The following NRG3 variants were observed in gnomAD, a reference collection of about 807,000 sequenced individuals.
NRG3 encodes pro-neuregulin-3, membrane-bound isoform.
A neutral mutation model predicts 66.9 loss-of-function variants in NRG3; 31 were observed. That is an observed-to-expected ratio of 0.46 (90% CI 0.35 to 0.63). NRG3 has a LOEUF of 0.63. Ranked by LOEUF, NRG3 falls within the 20% of genes least tolerant of loss-of-function variation. The probability of loss-of-function intolerance (pLI) is 0.00; values close to 1 mark genes in which losing one functional copy is unlikely to be tolerated. For synonymous variants in NRG3, 393 were observed against 359.4 expected (o/e 1.09, Z -1.06); for missense variants, 910 against 878.9 (o/e 1.04, Z -0.45).
At chr10:82,218,322 A>C (rs904047598) in intron 1 of NRG3, among the ~76,000 whole-genome samples, 2 of 152,192 alleles carry the variant, frequency 1.3e-5, no homozygotes, top group African/African-American at 4.8e-5. Context: ...GCTGCATTAA[A>C]ATTCACCGCA....
chr10:82,746,831 C>T (rs574960220), intron 3 of NRG3, among the ~76,000 whole-genome samples: 5 of 152,264 alleles, frequency 3.3e-5, no homozygotes, highest in African/African-American at 1.2e-4. Flanking sequence ...GTAATCTCAG[C>T]ACTTTGGGAA....
At chr10:82,650,830 A>G (rs2133887421) in intron 2 of NRG3, among the ~76,000 whole-genome samples, 1 of 152,306 alleles carries the variant, frequency 6.6e-6, no homozygotes, top group South Asian at 2.1e-4. Flanking sequence ...GCTTTTATAA[A>G]AGAAGCAGAT....
chr10:82,084,117 A>T (rs2133440661), intron 1 of NRG3, among the ~76,000 whole-genome samples: 1 of 151,974 alleles, frequency 6.6e-6, no homozygotes, highest in Admixed American at 6.5e-5. Flanking sequence ...AGTCCCAGCT[A>T]CTCAGGAGGC....
intron 3 of NRG3, among the ~76,000 whole-genome samples, chr10:82,820,006 T>C (rs1053818256): frequency 1.3e-5 from 2 of 152,160 alleles, no homozygotes; most frequent in Non-Finnish European, 2.9e-5. Flanking sequence ...AGAAACTCAG[T>C]GAACACAGAT....
chr10:82,934,387 C>T (rs771891727), intron 4 of NRG3, among the ~76,000 whole-genome samples: 22 of 152,170 alleles, frequency 1.4e-4, no homozygotes, highest in Non-Finnish European at 2.6e-4. Flanking sequence ...CAGCTGTAAC[C>T]GTATCCTCCA....
chr10:82,210,574 G>T lies in NRG3; in HGVS notation c.824-148165G>T, dbSNP rs1037449323. On this transcript the variant is annotated intron_variant, in intron 1 of 8. Coordinates refer to ENST00000372141, the MANE Select transcript of NRG3 (RefSeq NM_001010848.4). ...GCTGCAAGAAGCAATGTGTTGGGCT[G>T]AATAATTCATGATGCAGTACTAATT... 7.9e-5 allele frequency among the ~76,000 whole-genome samples: 12 copies of T among 152,218 alleles called. 1 individual carries two copies. The highest frequency in any genetic ancestry group is 6.2e-4 in the South Asian group (3 of 4,822).
At chr10:82,422,717 A>T (rs1013873836) in intron 2 of NRG3, among the ~76,000 whole-genome samples, 5 of 152,024 alleles carry the variant, frequency 3.3e-5, no homozygotes, top group Non-Finnish European at 5.9e-5. Flanking sequence ...AATAGTATAC[A>T]TACAAACTTG....
chr10:81,914,498 C>T (rs1045362676), intron 1 of NRG3, among the ~76,000 whole-genome samples: 1 of 151,826 alleles, frequency 6.6e-6, no homozygotes, highest in African/African-American at 2.4e-5. Context: ...TTTGGGAGGC[C>T]GAGGCAGCAG....
chr10:82,297,127 G>A (rs910449859), intron 1 of NRG3, among the ~76,000 whole-genome samples: 4 of 152,250 alleles, frequency 2.6e-5, no homozygotes, highest in Non-Finnish European at 4.4e-5. Flanking sequence ...ATTCTTTATG[G>A]CTGCATAGTA....
chr10:82,874,015 A>G (rs1431539607), intron 4 of NRG3, among the ~76,000 whole-genome samples: 1 of 152,048 alleles, frequency 6.6e-6, no homozygotes, highest in Non-Finnish European at 1.5e-5. Flanking sequence ...TTAAAAAAAA[A>G]AAGAAACAGT....
rs576828795 is a variant in NRG3 at position 82,279,204 on chromosome 10, G to A, written c.824-79535G>A. On this transcript the variant is annotated intron_variant, in intron 1 of 8. Transcript: ENST00000372141. Reference sequence around the variant, plus strand: ...CAAATAAAGCCTTCTAGGCAGCAGCGCCCATGCTGGCCATTTGACTCAAAC... The same window carrying A: ...CAAATAAAGCCTTCTAGGCAGCAGCACCCATGCTGGCCATTTGACTCAAAC... Among the ~76,000 whole-genome samples the A allele has an allele frequency of 6.6e-5, 10 of 152,190 alleles. No individual in the cohort carries two copies. The South Asian group carries it at 8.3e-4, about 13-fold the overall frequency.
At position 82,232,069 on chromosome 10, in the gene NRG3, GT is replaced by G. The variant is rs35929171; in HGVS notation, c.824-126669del. 4.4e-3 allele frequency among the ~76,000 whole-genome samples: 664 copies of G among 152,234 alleles called. 6 individuals carry two copies. Among genetic ancestry groups the G allele is most frequent in the African/African-American group, 0.015 (615 of 41,558 alleles). On this transcript the variant is annotated intron_variant, in intron 1 of 8. Coordinates refer to ENST00000372141, the MANE Select transcript of NRG3 (RefSeq NM_001010848.4). The stretch of plus-strand genomic sequence containing the variant: ...GCCCATTTGCAAATTACTATGGTAG[GT>G]CTCTCAGTTTTGCAAAGAATCAGAT...
intron 1 of NRG3, among the ~76,000 whole-genome samples, chr10:81,925,313 A>G (rs1208293883): frequency 2.0e-5 from 3 of 152,242 alleles, no homozygotes; most frequent in African/African-American, 7.2e-5. Flanking sequence ...TTTGTGCAAC[A>G]GAATATAGAA....
chr10:82,780,598 T>C (rs533094352), intron 3 of NRG3, among the ~76,000 whole-genome samples: 1 of 152,052 alleles, frequency 6.6e-6, no homozygotes, highest in South Asian at 2.1e-4. Context: ...TGGATCCTAG[T>C]TCAGTCTTTT....
intron 2 of NRG3, among the ~76,000 whole-genome samples, chr10:82,643,907 CA>C (rs1565159288): frequency 1.1e-3 from 2 of 1,850 alleles, no homozygotes; most frequent in African/African-American, 0.012. Context: ...CACACACCCA[CA>C]CACACACACA....
At chr10:82,614,627 A>G (rs1395294132) in intron 2 of NRG3, among the ~76,000 whole-genome samples, 1 of 152,202 alleles carries the variant, frequency 6.6e-6, no homozygotes, top group Non-Finnish European at 1.5e-5. Flanking sequence ...AGTAACTTGC[A>G]TGAATTTCAG....
intron 4 of NRG3, among the ~76,000 whole-genome samples, chr10:82,927,135 G>T (rs1288878391): frequency 6.6e-6 from 1 of 152,154 alleles, no homozygotes; most frequent in Non-Finnish European, 1.5e-5. Flanking sequence ...TGAATCCCCA[G>T]CACAGAGCTC....
At chr10:82,926,742 T>C (rs2132117980) in intron 4 of NRG3, among the ~76,000 whole-genome samples, 1 of 152,330 alleles carries the variant, frequency 6.6e-6, no homozygotes, top group African/African-American at 2.4e-5. Flanking sequence ...TTAACAAGTT[T>C]CTAACTTTGA....
At chr10:82,025,096 CTG>C (rs1160410097) in intron 1 of NRG3, among the ~76,000 whole-genome samples, 1 of 151,846 alleles carries the variant, frequency 6.6e-6, no homozygotes, top group Non-Finnish European at 1.5e-5. Context: ...TGAAAGTAAA[CTG>C]TAGTTTTTAT....
Sources: allele counts gnomAD v4.1 joint callset (sites outside exome capture counted in the v4.1 genomes callset), GRCh38; gene constraint gnomAD v4.1.1; transcripts MANE v1.5; gene names NCBI Gene and HGNC (gene_info 2026-07-23, HGNC 2026-07-21).